The following SLC9A9 variants were observed in gnomAD, a reference collection of about 807,000 sequenced individuals.
The protein encoded by SLC9A9 is solute carrier family 9 member A9.
In SLC9A9, 62 loss-of-function variants were observed where a neutral mutation model predicts 77.8. The ratio of observed to expected loss-of-function variants is 0.80; its 90% CI spans 0.65 to 0.98. SLC9A9 has a LOEUF of 0.98. Ranked by LOEUF, SLC9A9 falls within the 50% of genes least tolerant of loss-of-function variation. The probability of loss-of-function intolerance (pLI) is 0.00; values close to 1 mark genes in which losing one functional copy is unlikely to be tolerated. For synonymous variants in SLC9A9, 320 were observed against 283.5 expected (o/e 1.13, Z -1.29); for missense variants, 775 against 774.9 (o/e 1.00, Z 0.00).
chr3:143,762,492 T>C (rs1159687970), intron 4 of SLC9A9, among the ~76,000 whole-genome samples: 2 of 152,198 alleles, frequency 1.3e-5, no homozygotes, highest in Non-Finnish European at 2.9e-5. Flanking sequence ...TAGCCCCTGA[T>C]GGAAGATTAA....
chr3:143,345,952 A>T (rs2032259226), intron 14 of SLC9A9, among the ~76,000 whole-genome samples: 1 of 152,158 alleles, frequency 6.6e-6, no homozygotes. Flanking sequence ...TTCATATGCC[A>T]CCCTAATACA....
intron 5 of SLC9A9, among the ~76,000 whole-genome samples, chr3:143,672,221 G>A (rs971132441): frequency 4.6e-5 from 7 of 151,406 alleles, no homozygotes; most frequent in African/African-American, 7.3e-5. Context: ...AAATTATTCC[G>A]TTTTCTCTTG....
intron 13 of SLC9A9, among the ~76,000 whole-genome samples, chr3:143,377,822 G>A (rs953086003): frequency 6.6e-6 from 1 of 152,152 alleles, no homozygotes; most frequent in Non-Finnish European, 1.5e-5. Flanking sequence ...ATGGCCAATG[G>A]TCTGGCCCCT....
chr3:143,663,216 G>A (rs1273206575), intron 5 of SLC9A9, among the ~76,000 whole-genome samples: 2 of 152,204 alleles, frequency 1.3e-5, no homozygotes, highest in African/African-American at 4.8e-5. Flanking sequence ...ACGTGCAGCT[G>A]AGGGTCCTGA....
intron 14 of SLC9A9, among the ~76,000 whole-genome samples, chr3:143,304,025 TG>T (rs2030657142): frequency 6.6e-6 from 1 of 152,054 alleles, no homozygotes; most frequent in Admixed American, 6.6e-5. Flanking sequence ...ATATACTGAA[TG>T]GGGGAAAGAG....
intron 2 of SLC9A9, among the ~76,000 whole-genome samples, chr3:143,816,958 G>T (rs907678052): frequency 6.6e-6 from 1 of 151,864 alleles, no homozygotes; most frequent in Non-Finnish European, 1.5e-5. Flanking sequence ...TGAATTTTCT[G>T]ATCTCTTTTA....
intron 14 of SLC9A9, among the ~76,000 whole-genome samples, chr3:143,295,772 G>A (rs1487348633): frequency 6.6e-6 from 1 of 151,686 alleles, no homozygotes; most frequent in Non-Finnish European, 1.5e-5. Flanking sequence ...TTTTAATTGT[G>A]CTTTCAGACC....
At chr3:143,541,757 T>G (rs1390749194) in intron 9 of SLC9A9, among the ~76,000 whole-genome samples, 4 of 152,202 alleles carry the variant, frequency 2.6e-5, no homozygotes, top group Non-Finnish European at 5.9e-5. Flanking sequence ...TAGTTTCCCT[T>G]AGCTCTGAAC....
chr3:143,734,091 G>A (rs1233873062), intron 4 of SLC9A9, among the ~76,000 whole-genome samples: 2 of 152,120 alleles, frequency 1.3e-5, no homozygotes, highest in Non-Finnish European at 2.9e-5. Context: ...CAGCTTCTCA[G>A]GAGGCTGAGA....
chr3:143,363,039 G>T (rs2032793807), intron 14 of SLC9A9, among the ~76,000 whole-genome samples: 1 of 152,068 alleles, frequency 6.6e-6, no homozygotes, highest in African/African-American at 2.4e-5. Context: ...ATTTTTTACA[G>T]CATGAAACAA....
At chr3:143,440,670 G>A (rs1247505106) in intron 12 of SLC9A9, among the ~76,000 whole-genome samples, 3 of 152,212 alleles carry the variant, frequency 2.0e-5, no homozygotes, top group East Asian at 1.9e-4. Flanking sequence ...TTTGCTTACC[G>A]ATGCAGGTCT....
At chr3:143,505,705 C>A (rs1262069412) in intron 9 of SLC9A9, among the ~76,000 whole-genome samples, 1 of 152,128 alleles carries the variant, frequency 6.6e-6, no homozygotes, top group Non-Finnish European at 1.5e-5. Flanking sequence ...AAAAGCACAG[C>A]CTATAAAAAC....
intron 13 of SLC9A9, among the ~76,000 whole-genome samples, chr3:143,364,773 C>G (rs2032853972): frequency 6.6e-6 from 1 of 152,154 alleles, no homozygotes; most frequent in Non-Finnish European, 1.5e-5. Flanking sequence ...ATGGCTGAAG[C>G]AGAGACTCAC....
At chr3:143,307,626 G>A (rs2030845662) in intron 14 of SLC9A9, among the ~76,000 whole-genome samples, 2 of 152,164 alleles carry the variant, frequency 1.3e-5, no homozygotes, top group Non-Finnish European at 2.9e-5. Flanking sequence ...TTCGGTCTCT[G>A]AATAGGCCCT....
At chr3:143,838,204 C>G (rs1434312315) in intron 1 of SLC9A9, among the ~76,000 whole-genome samples, 2 of 152,166 alleles carry the variant, frequency 1.3e-5, no homozygotes, top group Non-Finnish European at 2.9e-5. Flanking sequence ...CCACTCCCTA[C>G]AGTATTGGAA....
intron 1 of SLC9A9, among the ~76,000 whole-genome samples, chr3:143,834,031 C>T (rs7615162): frequency 0.017 from 2,517 of 152,238 alleles, 72 homozygotes; most frequent in African/African-American, 0.058. Context: ...GGGAGTAAAC[C>T]AATCATGCTT....
At chr3:143,791,329 T>C (rs1022891181) in intron 4 of SLC9A9, among the ~76,000 whole-genome samples, 5 of 152,236 alleles carry the variant, frequency 3.3e-5, no homozygotes, top group Non-Finnish European at 7.4e-5. Context: ...ATGAAACTAA[T>C]AAAACTTAAA....
At chr3:143,825,161 A>C (rs2009267093) in intron 2 of SLC9A9, among the ~76,000 whole-genome samples, 1 of 152,172 alleles carries the variant, frequency 6.6e-6, no homozygotes, top group Non-Finnish European at 1.5e-5. Flanking sequence ...TTTCTTAAAA[A>C]ATTTCTTTTC....
At chr3:143,715,703 G>A (rs1030704999) in intron 4 of SLC9A9, among the ~76,000 whole-genome samples, 3 of 152,138 alleles carry the variant, frequency 2.0e-5, no homozygotes, top group Non-Finnish European at 4.4e-5. Flanking sequence ...GGAAGAATTA[G>A]AGAGGAAGGC....
Sources: allele counts gnomAD v4.1 joint callset (sites outside exome capture counted in the v4.1 genomes callset), GRCh38; gene constraint gnomAD v4.1.1; transcripts MANE v1.5; gene names NCBI Gene and HGNC (gene_info 2026-07-23, HGNC 2026-07-21).